The following PLCD3 variants were observed in gnomAD, a reference collection of about 807,000 sequenced individuals.
PLCD3 encodes phospholipase C delta 3, also known as 1-phosphatidylinositol 4,5-bisphosphate phosphodiesterase delta-3.
In PLCD3, 62 loss-of-function variants were observed where a neutral mutation model predicts 82.8. That is an observed-to-expected ratio of 0.75 (90% CI 0.61 to 0.93). The LOEUF (loss-of-function observed/expected upper bound fraction) is 0.93. Ranked by LOEUF, PLCD3 falls within the 40% of genes least tolerant of loss-of-function variation. The probability of loss-of-function intolerance (pLI) is 0.00; values close to 1 mark genes in which losing one functional copy is unlikely to be tolerated. For missense variants in PLCD3, 1,023 were observed against 1,103.4 expected (o/e 0.93, Z 1.03); for synonymous variants, 478 against 471.8 (o/e 1.01, Z -0.17).
rs1329303137 is a variant in PLCD3 at position 45,121,321 on chromosome 17, C to T, written c.215G>A (p.Arg72His). ...VRAMLRGSRL[R>H]KIRSRTWHKE... Reference sequence around the variant, plus strand: ...GTGCCACGTGCGCGAGCGGATCTTGCGGAGCCGGGAGCCCCGCAGCATGGC... The same window carrying T: ...GTGCCACGTGCGCGAGCGGATCTTGTGGAGCCGGGAGCCCCGCAGCATGGC... Residue 72 changes from arginine to histidine, a missense_variant, in exon 2 of 15, where the codon CGC becomes CAC. Physicochemically the swap from Arg to His is conservative, Grantham distance 29 (BLOSUM62 0). Coordinates refer to ENST00000619929, the MANE Select transcript of PLCD3 (RefSeq NM_133373.5). 5 of 1,561,492 alleles carry T rather than the reference C, an allele frequency of 3.2e-6. No individual in the cohort carries two copies. The South Asian group carries it at 5.8e-5, about 18-fold the overall frequency.
At chr17:45,117,862 C>G in intron 7 of PLCD3, 132 bp downstream of exon 7, 1 of 1,252,204 alleles carries the variant, frequency 8.0e-7, no homozygotes, top group Non-Finnish European at 1.1e-6. Context: ...CTTATCCCAG[C>G]AGCACTTGGT....
rs187235456 is a variant in PLCD3, at chr17:45,120,315, G to A, written c.684+10C>T. 2.9e-4 allele frequency: 468 copies of A among 1,613,840 alleles called. 2 individuals carry two copies. In the African/African-American group the frequency reaches 4.7e-3, roughly 16 times the overall value. On this transcript the variant is annotated intron_variant, in intron 4 of 14. Coordinates refer to ENST00000619929, the MANE Select transcript of PLCD3 (RefSeq NM_133373.5). ...AGAGCCAGGGGCTGGGGTTCAGGGCGGAAGCCCACCTTGAAGAGGAGGTAG... is the reference window on the plus strand; with the variant it reads ...AGAGCCAGGGGCTGGGGTTCAGGGCAGAAGCCCACCTTGAAGAGGAGGTAG...
In PLCD3 at chr17:45,118,615, G is replaced by A. The variant is rs1360951334; in HGVS notation, c.914-123C>T. On this transcript the variant is annotated intron_variant, in intron 5 of 14. Transcript: ENST00000619929. The surrounding 1 kb of genome is among the most constrained non-coding windows in gnomAD (Gnocchi z 4.1). ...AGACAATCTACTGACTAGACTCCAT[G>A]TAAGTCATGCCACTTAACCTTCGAC... The A allele has an allele frequency of 3.3e-6, 4 of 1,201,848 alleles. No homozygotes were observed. The highest frequency in any genetic ancestry group is 2.2e-5 in the Admixed American group (1 of 45,284). 74.4% of individuals were successfully genotyped at this position (1,201,848 alleles called of 1,614,324 possible).
Position 45,118,026 on chromosome 17 carries a change from C to T in PLCD3, c.1228G>A (p.Val410Met), listed in dbSNP as rs754648776. The change falls in exon 7 of 15, where the codon GTG becomes ATG. Residue 410 changes from valine (V) to methionine (M), a missense_variant. Transcript: ENST00000619929. This position sits in a 1 kb window ranked among gnomAD's most constrained non-coding sequence, Gnocchi z 4.1. ...GCATGGTCGCGCACGGCTTGGACCA[C>T]GTCCCGGAAGAGAATCTTGGAGGTG... Reference protein sequence around the residue: ...TLTSKILFRDVVQAVRDHAFT... With the variant: ...TLTSKILFRDMVQAVRDHAFT... 1.7e-5 allele frequency: 27 copies of T among 1,613,696 alleles called. No individual in the cohort carries two copies. Among genetic ancestry groups the T allele is most frequent in the African/African-American group, 2.7e-5 (2 of 75,050 alleles).
In PLCD3 at chr17:45,111,006, G is replaced by A. The variant is rs1314509474; in HGVS notation, c.*1610C>T. 1 of 152,270 alleles carries A rather than the reference G, an allele frequency of 6.6e-6. No homozygotes were observed. The highest frequency in any genetic ancestry group is 1.5e-5 in the Non-Finnish European group (1 of 68,078). 9.4% of individuals were successfully genotyped at this position (152,270 alleles called of 1,614,324 possible). The stretch of plus-strand genomic sequence containing the variant: ...CAAGGCCTATCCCAGCCCAGTTCCA[G>A]GCCACCCTCTGGGGACTAATGTCAA... On this transcript the variant is annotated 3_prime_UTR_variant, in exon 15 of 15. Coordinates refer to ENST00000619929, the MANE Select transcript of PLCD3 (RefSeq NM_133373.5).
Position 45,121,196 on chromosome 17 carries a change from TC to T in PLCD3, c.325+14del. Reference sequence around the variant, plus strand: ...CCCCACCTCCCTGTCCGCCCGGCGCTCCCCGGCCTCTCACAGATGTGCTGCG... The same window carrying T: ...CCCCACCTCCCTGTCCGCCCGGCGCTCCCGGCCTCTCACAGATGTGCTGCG... On this transcript the variant is annotated intron_variant, in intron 2 of 14. Coordinates refer to ENST00000619929, the MANE Select transcript of PLCD3 (RefSeq NM_133373.5). The T allele has an allele frequency of 1.3e-6, 2 of 1,561,578 alleles. No individual in the cohort carries two copies. Among genetic ancestry groups the T allele is most frequent in the Non-Finnish European group, 1.7e-6 (2 of 1,162,942 alleles).
In PLCD3 at chr17:45,116,701, G is replaced by A. The variant is rs1445702440; in HGVS notation, c.1344C>T (p.Thr448=). ...GTGTCACCAGCATGTCCCCCAGGATGGTGCAGAGGTGGCGGGCCATGGCAG... is the reference window on the plus strand; with the variant it reads ...GTGTCACCAGCATGTCCCCCAGGATAGTGCAGAGGTGGCGGGCCATGGCAG... ...QQAAMARHLC[T]ILGDMLVTQA... is the part of the protein sequence containing the mutation. Residue 448 remains threonine, a synonymous_variant, in exon 8 of 15, where the codon ACC becomes ACT. Transcript: ENST00000619929. The A allele has an allele frequency of 1.2e-6, 2 of 1,611,216 alleles. No individual in the cohort carries two copies. The highest frequency in any genetic ancestry group is 1.7e-6 in the Non-Finnish European group (2 of 1,178,438).
chr17:45,132,273 G>A lies in PLCD3; in HGVS notation c.138C>T (p.Pro46=), dbSNP rs753795826. 6 of 1,274,788 alleles carry A rather than the reference G, an allele frequency of 4.7e-6. No individual in the cohort carries two copies. Among genetic ancestry groups the A allele is most frequent in the Non-Finnish European group, 5.9e-6 (6 of 1,009,782 alleles). 79.0% of individuals were successfully genotyped at this position (1,274,788 alleles called of 1,614,324 possible). The change falls in exon 1 of 15, where the codon CCC becomes CCT. Residue 46 remains proline, a synonymous_variant. Transcript: ENST00000619929. This position sits in a 1 kb window ranked among gnomAD's most constrained non-coding sequence, Gnocchi z 4.6. ...CCATCTTCTTCAGCGCCCGCAGCCC[G>A]GGCCTCTTGGTGCCGCCATCGGAGG... ...PTPSDGGTKR[P]GLRALKKMGL...
rs751188083 is a variant in PLCD3 at position 45,132,366 on chromosome 17, C to T, written c.45G>A (p.Glu15=). 4 of 1,229,616 alleles carry T rather than the reference C, an allele frequency of 3.3e-6. No individual in the cohort carries two copies. The highest frequency in any genetic ancestry group is 4.1e-6 in the Non-Finnish European group (4 of 986,382). 76.2% of individuals were successfully genotyped at this position (1,229,616 alleles called of 1,614,324 possible). A position where few individuals can be genotyped will look rare whatever the true frequency, so the allele number is the denominator to read the frequency against. Residue 15 remains glutamate (E), a synonymous_variant, in exon 1 of 15, where the codon GAG becomes GAA. Coordinates refer to ENST00000619929, the MANE Select transcript of PLCD3 (RefSeq NM_133373.5). This position sits in a 1 kb window ranked among gnomAD's most constrained non-coding sequence, Gnocchi z 4.6. ...RWRRCRRPPE[E]PPVAAQVAAQ... ...CTGCGACCTGGGCGGCCACCGGGGG[C>T]TCCTCGGGCGGGCGGCGGCAACGCC... is the stretch of plus-strand genomic sequence containing the variant.
At chr17:45,123,022 T>C (rs574394617) in intron 1 of PLCD3, among the ~76,000 whole-genome samples, 5 of 152,240 alleles carry the variant, frequency 3.3e-5, no homozygotes, top group African/African-American at 9.6e-5. Context: ...TAAAAATCAA[T>C]AACCCCTGTG....
At chr17:45,128,042 G>A in intron 1 of PLCD3, among the ~76,000 whole-genome samples, 1 of 152,096 alleles carries the variant, frequency 6.6e-6, no homozygotes, top group East Asian at 1.9e-4. Flanking sequence ...GACACACAAT[G>A]GCGAGGGGTC....
At position 45,120,431 on chromosome 17, in the gene PLCD3, C is replaced by T. The variant is rs562799190; in HGVS notation, c.578G>A (p.Arg193Gln). Residue 193 changes from arginine to glutamine, a missense_variant, in exon 4 of 15, where the codon CGG (arginine) becomes CAG (glutamine). Physicochemically the swap from Arg to Gln is conservative, Grantham distance 43. Coordinates refer to ENST00000619929, the MANE Select transcript of PLCD3 (RefSeq NM_133373.5). ...LDHWIHSYLH[R>Q]ADSNQDSKMS... ...CTTGCTGTCCTGGTTGGAGTCAGCC[C>T]GGTGCAGATAGGAGTGGATCCAGGT... 5.7e-5 allele frequency: 92 copies of T among 1,613,958 alleles called. No homozygotes were observed. In the Middle Eastern group the frequency reaches 9.9e-4, roughly 17 times the overall value.
chr17:45,127,816 G>T (rs1469670602), intron 1 of PLCD3, among the ~76,000 whole-genome samples: 1 of 36,820 alleles, frequency 2.7e-5, no homozygotes. Flanking sequence ...GTGTGCGTGT[G>T]AGTGTGTGTG....
chr17:45,125,762 G>A (rs929960375), intron 1 of PLCD3, among the ~76,000 whole-genome samples: 1 of 152,226 alleles, frequency 6.6e-6, no homozygotes, highest in African/African-American at 2.4e-5. Context: ...CTAAGTGAAA[G>A]AAGCCAGACC....
rs1325290851 is a variant in PLCD3, at chr17:45,111,357, C to T, written c.*1259G>A. ...TCCTGTCTCCTCCTCATTCAAGGCC[C>T]CTCTGTGTATGTGTGAGTGTGTGTG... On this transcript the variant is annotated 3_prime_UTR_variant, in exon 15 of 15. Coordinates refer to ENST00000619929, the MANE Select transcript of PLCD3 (RefSeq NM_133373.5). 2 of 145,666 alleles carry T rather than the reference C, an allele frequency of 1.4e-5. No individual in the cohort carries two copies. The highest frequency in any genetic ancestry group is 1.4e-4 in the Admixed American group (2 of 14,716). The allele number at this position is 145,666 out of a possible 1,614,324, so 9.0% of individuals were successfully genotyped here. A position where few individuals can be genotyped will look rare whatever the true frequency, so the allele number is the denominator to read the frequency against.
rs1190087795 is a variant in PLCD3, at chr17:45,110,170, G to C, written c.*2446C>G. On this transcript the variant is annotated 3_prime_UTR_variant, in exon 15 of 15. Coordinates refer to ENST00000619929, the MANE Select transcript of PLCD3 (RefSeq NM_133373.5). ...AAGACTCTTGCCCTTTTGGCTGGGT[G>C]CAGTGGCTCACGCCTGTAATCCCAG... 6.6e-6 allele frequency: 1 copy of C among 150,562 alleles called. No homozygotes were observed. Among genetic ancestry groups the C allele is most frequent in the African/African-American group, 2.4e-5 (1 of 40,890 alleles). 9.3% of individuals were successfully genotyped at this position (150,562 alleles called of 1,614,324 possible). A position where few individuals can be genotyped will look rare whatever the true frequency, so the allele number is the denominator to read the frequency against.
chr17:45,116,371 C>A (rs1256533022), intron 8 of PLCD3, among the ~76,000 whole-genome samples: 2 of 151,978 alleles, frequency 1.3e-5, no homozygotes, highest in Non-Finnish European at 1.5e-5. Context: ...ACTCTACGGG[C>A]AGGGACACAG....
rs750114522 is a variant in PLCD3, at chr17:45,116,704, G to A, written c.1341C>T (p.Cys447=). ...EQQAAMARHL[C]TILGDMLVTQ... is the part of the protein sequence containing the mutation. ...TCACCAGCATGTCCCCCAGGATGGTGCAGAGGTGGCGGGCCATGGCAGCCT... is the reference window on the plus strand; with the variant it reads ...TCACCAGCATGTCCCCCAGGATGGTACAGAGGTGGCGGGCCATGGCAGCCT... Residue 447 remains cysteine, a synonymous_variant, in exon 8 of 15, where the codon TGC becomes TGT. Transcript: ENST00000619929. The A allele has an allele frequency of 6.2e-7, 1 of 1,611,542 alleles. No homozygotes were observed. Among genetic ancestry groups the A allele is most frequent in the Non-Finnish European group, 8.5e-7 (1 of 1,178,628 alleles).
rs1325453598 is a variant in PLCD3, at chr17:45,112,724, G to A, written c.2282-20C>T. The A allele has an allele frequency of 2.5e-6, 4 of 1,597,430 alleles. No individual in the cohort carries two copies. Among genetic ancestry groups the A allele is most frequent in the Non-Finnish European group, 3.4e-6 (4 of 1,172,080 alleles). On this transcript the variant is annotated intron_variant, in intron 14 of 14. Transcript: ENST00000619929. ...GGTACCCTGTAGGGAGGACAGCCAG[G>A]CCTCAGGTCCTCTGTGCACCCTGGG... is the stretch of plus-strand genomic sequence containing the variant.
Sources: gnomAD v4.1 joint callset for allele counts (sites outside exome capture counted in the v4.1 genomes callset) on GRCh38, gnomAD v4.1.1 for gene constraint, Gnocchi (gnomAD v3.1) non-coding constraint, MANE v1.5 for transcripts, NCBI Gene and HGNC (gene_info 2026-07-23, HGNC 2026-07-21) for gene names.